Variants in C19orf38 observed in about 807,000 individuals in gnomAD.
C19orf38 encodes protein HIDE1.
Under a neutral mutation model 26.6 loss-of-function variants are expected in C19orf38, and 14 were observed. The observed-to-expected ratio is 0.53, with a 90% CI of 0.35 to 0.82. The LOEUF (loss-of-function observed/expected upper bound fraction) is 0.82, where lower values mean the gene tolerates loss of function less well. C19orf38 is among the 40% of genes least tolerant of loss of function. C19orf38 has a pLI of 0.01. For synonymous variants in C19orf38, 132 were observed against 128.5 expected (o/e 1.03, Z -0.18); for missense variants, 261 against 299.5 (o/e 0.87, Z 0.95).
At chr19:10,868,278 G>A (rs1291216576) in intron 6 of C19orf38, among the ~76,000 whole-genome samples, 3 of 152,074 alleles carry the variant, frequency 2.0e-5, no homozygotes, top group African/African-American at 4.8e-5. Context: ...TTCTTTTTAC[G>A]AACAAGGACA....
At chr19:10,864,855 T>TC (rs2073736858) in intron 6 of C19orf38, among the ~76,000 whole-genome samples, 1 of 151,454 alleles carries the variant, frequency 6.6e-6, no homozygotes, top group South Asian at 2.1e-4. Flanking sequence ...GAGTGTGGAG[T>TC]CAGCCACCTC....
At chr19:10,863,112 G>A in intron 5 of C19orf38, 58 bp from the exon 6 acceptor site, 4 of 1,507,272 alleles carry the variant, frequency 2.7e-6, no homozygotes, top group South Asian at 2.4e-5. Flanking sequence ...GGATGGCAGG[G>A]AGCAGGGAAG....
At chr19:10,848,637 G>A (rs968379420) in intron 1 of C19orf38, 98 bp downstream of exon 1, 29 of 1,188,354 alleles carry the variant, frequency 2.4e-5, no homozygotes, top group Middle Eastern at 2.1e-4. Flanking sequence ...AGGGGCTGCC[G>A]TTCTCAGGGC....
At chr19:10,858,241 A>AC in intron 3 of C19orf38, 75 bp from the exon 4 acceptor site, 1 of 1,206,882 alleles carries the variant, frequency 8.3e-7, no homozygotes, top group South Asian at 1.7e-5. Flanking sequence ...AAAAAAAAAA[A>AC]AAAAAAAAAA....
chr19:10,844,799 G>A (rs2073503940), upstream of C19orf38, among the ~76,000 whole-genome samples: 1 of 147,380 alleles, frequency 6.8e-6, no homozygotes, highest in African/African-American at 2.5e-5. Flanking sequence ...AGTGAGCCGA[G>A]ATTGCGCCAC....
chr19:10,848,627 A>G, intron 1 of C19orf38, 88 bp downstream of exon 1: 2 of 1,297,028 alleles, frequency 1.5e-6, no homozygotes, highest in Admixed American at 2.0e-5. Context: ...AAACCAGTGC[A>G]GGGGCTGCCG....
At chr19:10,838,457 T>C (rs1457382921) in intron 1 of C19orf38, among the ~76,000 whole-genome samples, 2 of 152,124 alleles carry the variant, frequency 1.3e-5, no homozygotes, top group Non-Finnish European at 2.9e-5. Context: ...TTCAGTGGCA[T>C]TTAGTACATT....
At chr19:10,857,359 TATA>T (rs2073638311) in intron 3 of C19orf38, among the ~76,000 whole-genome samples, 3 of 87,608 alleles carry the variant, frequency 3.4e-5, no homozygotes, top group African/African-American at 2.4e-4. Flanking sequence ...TATATATATA[TATA>T]TATATTTTTT....
At chr19:10,855,954 G>A (rs979583611) in intron 2 of C19orf38, among the ~76,000 whole-genome samples, 4 of 152,034 alleles carry the variant, frequency 2.6e-5, no homozygotes, top group African/African-American at 7.2e-5. Context: ...ATGAATCACC[G>A]CACCTGGCCT....
chr19:10,849,389 T>G (rs1253673425), intron 1 of C19orf38, among the ~76,000 whole-genome samples: 2 of 151,996 alleles, frequency 1.3e-5, no homozygotes, highest in East Asian at 1.9e-4. Context: ...GTTCCCTCTG[T>G]TGGAATGCCC....
At chr19:10,844,573 T>C (rs955738524), upstream of C19orf38, among the ~76,000 whole-genome samples, 6 of 141,124 alleles carry the variant, frequency 4.3e-5, no homozygotes, top group East Asian at 4.3e-4. Context: ...AAAGGCCGGG[T>C]GCAGTGGCTC....
intron 3 of C19orf38, among the ~76,000 whole-genome samples, chr19:10,856,796 C>T (rs2073630501): frequency 1.3e-5 from 2 of 150,878 alleles, no homozygotes; most frequent in African/African-American, 2.4e-5. Context: ...GAGCCACAGT[C>T]CCCGGCCTAA....
chr19:10,843,617 A>C (rs181293291), upstream of C19orf38, among the ~76,000 whole-genome samples: 1 of 152,334 alleles, frequency 6.6e-6, no homozygotes, highest in Admixed American at 6.5e-5. Flanking sequence ...TGGTGGAAAA[A>C]ATAAGCCAGG....
At chr19:10,860,533 T>TA (rs2073686584) in intron 5 of C19orf38, among the ~76,000 whole-genome samples, 1 of 33,242 alleles carries the variant, frequency 3.0e-5, no homozygotes, top group Non-Finnish European at 5.3e-5. Flanking sequence ...AGACTCCATC[T>TA]CAAAAAAAAA....
At chr19:10,857,920 AAG>A (rs960300172) in intron 3 of C19orf38, among the ~76,000 whole-genome samples, 2 of 149,332 alleles carry the variant, frequency 1.3e-5, no homozygotes, top group Non-Finnish European at 3.0e-5. Context: ...GAAAGAAAGA[AAG>A]AAAGAAAGAA....
At chr19:10,857,364 ATAT>A (rs1384406301) in intron 3 of C19orf38, among the ~76,000 whole-genome samples, 2 of 78,170 alleles carry the variant, frequency 2.6e-5, no homozygotes, top group South Asian at 4.1e-4. Flanking sequence ...ATATATATAT[ATAT>A]TTTTTTTTTT....
Position 10,850,409 on chromosome 19 carries a change from T to C in C19orf38, c.182T>C (p.Leu61Pro), listed in dbSNP as rs2073559354. 1.3e-6 allele frequency: 2 copies of C among 1,550,822 alleles called. No homozygotes were observed. The highest frequency in any genetic ancestry group is 1.7e-6 in the Non-Finnish European group (2 of 1,146,470). ...LYRGGQVVQLLQAPTDQRGVT... is the reference protein window; with the variant it reads ...LYRGGQVVQLPQAPTDQRGVT... ...CGAGGGGGGCAGGTGGTCCAGCTCC[T>C]GCAGGCCCCCACGGACCAGCGCGGG... Residue 61 changes from leucine (L) to proline (P), a missense_variant, in exon 2 of 7, where the codon CTG (leucine) becomes CCG (proline). Physicochemically the swap from Leu to Pro is moderately conservative, Grantham distance 98. Transcript: ENST00000397820.
rs567622849 is a variant in C19orf38 at position 10,852,932 on chromosome 19, C to T, written c.340+2365C>T. Among the ~76,000 whole-genome samples, 7 of 151,220 alleles carry T rather than the reference C, an allele frequency of 4.6e-5. No homozygotes were observed. The East Asian group carries it at 5.8e-4, about 13-fold the overall frequency. The stretch of plus-strand genomic sequence containing the variant: ...TACCATCAGTCAGAACTTTCCTGGC[C>T]GGGTGCAATGACCCACGCCTATAAG... On this transcript the variant is annotated intron_variant, in intron 2 of 6. Coordinates refer to ENST00000397820, the MANE Select transcript of C19orf38 (RefSeq NM_001136482.3).
chr19:10,850,217 A>T, intron 1 of C19orf38, 42 bp from the exon 2 acceptor site: 1 of 1,498,058 alleles, frequency 6.7e-7, no homozygotes. Flanking sequence ...GGCAGCCTCC[A>T]CTCTCACCAC....
Sources: gnomAD v4.1 joint callset for allele counts (sites outside exome capture counted in the v4.1 genomes callset) on GRCh38, gnomAD v4.1.1 for gene constraint, MANE v1.5 for transcripts, NCBI Gene and HGNC (gene_info 2026-07-23, HGNC 2026-07-21) for gene names.